The following LIPT2 variants were observed in gnomAD, a reference collection of about 807,000 sequenced individuals.
The protein encoded by LIPT2 is octanoyl-[acyl-carrier-protein]:protein N-octanoyltransferase LIPT2, mitochondrial.
LIPT2 carries 16 observed loss-of-function variants against 16.2 expected under a neutral mutation model. The observed-to-expected ratio is 0.99, with a 90% CI of 0.67 to 1.50. LIPT2 has a LOEUF of 1.50. LIPT2 is among the 40% of genes most tolerant of loss of function. LIPT2 has a pLI of 0.00. For synonymous variants in LIPT2, 199 were observed against 169.3 expected (o/e 1.18, Z -1.36); for missense variants, 424 against 347.7 (o/e 1.22, Z -1.75).
In LIPT2 at chr11:74,493,264, A is replaced by C; in HGVS notation, c.440T>G (p.Leu147Arg). The change falls in exon 1 of 2, where the codon CTA (leucine) becomes CGA (arginine). Residue 147 changes from leucine to arginine, a missense_variant. By Grantham distance (102) the Leu-to-Arg change is moderately radical (BLOSUM62 -2). Transcript: ENST00000310109. ...GATCGCGCAGATCTTGCGATCGTCTAGCCAGACGCCAGTGTAGGGCGGGGG... is the reference window on the plus strand; with the variant it reads ...GATCGCGCAGATCTTGCGATCGTCTCGCCAGACGCCAGTGTAGGGCGGGGG... ...ARPPPYTGVWLDDRKICAIGV... is the reference protein window; with the variant it reads ...ARPPPYTGVWRDDRKICAIGV... 7.3e-7 allele frequency: 1 copy of C among 1,373,024 alleles called. No individual in the cohort carries two copies. Among genetic ancestry groups the C allele is most frequent in the South Asian group, 1.6e-5 (1 of 61,360 alleles). 85.1% of individuals were successfully genotyped at this position (1,373,024 alleles called of 1,614,324 possible). A position where few individuals can be genotyped will look rare whatever the true frequency, so the allele number is the denominator to read the frequency against.
In LIPT2 at chr11:74,493,476, CA is replaced by C. The variant is rs1403400504; in HGVS notation, c.227del (p.Leu76TrpfsTer41). 3 of 1,475,924 alleles carry C rather than the reference CA, an allele frequency of 2.0e-6. No individual in the cohort carries two copies. The highest frequency in any genetic ancestry group is 2.7e-6 in the Non-Finnish European group (3 of 1,120,112). The allele number at this position is 1,475,924 out of a possible 1,614,324, so 91.4% of individuals were successfully genotyped here. ...TPEETARLRALGAEVRVTGRG... is the reference protein window; with the variant it reads ...TPEETARLRAXGAEVRVTGRG... ...GGCCTGTGACGCGCACCTCGGCGCC[CA>C]AGGCCCGTAGCCGCGCAGTTTCCTC... On this transcript the variant is annotated frameshift_variant, in exon 1 of 2. Coordinates refer to ENST00000310109, the MANE Select transcript of LIPT2 (RefSeq NM_001144869.3). LOFTEE classifies it high-confidence loss of function.
rs765093762 is a variant in LIPT2, at chr11:74,493,584, C to T, written c.120G>A (p.Ser40=). 8.3e-6 allele frequency: 12 copies of T among 1,451,632 alleles called. No individual in the cohort carries two copies. The highest frequency in any genetic ancestry group is 2.3e-4 in the Middle Eastern group (1 of 4,298). The allele number at this position is 1,451,632 out of a possible 1,614,324, so 89.9% of individuals were successfully genotyped here. A position where few individuals can be genotyped will look rare whatever the true frequency, so the allele number is the denominator to read the frequency against. Residue 40 remains serine, a synonymous_variant, in exon 1 of 2, where the codon TCG becomes TCA. Coordinates refer to ENST00000310109, the MANE Select transcript of LIPT2 (RefSeq NM_001144869.3). ...GCAGGAGCGCGCCCGCCTCAGTCCC[C>T]GACGGGGCCTCAATGCCTGGCTCGG... ...LQAEPGIEAP[S]GTEAGALLLC... is the part of the protein sequence containing the mutation.
chr11:74,493,723 G>C lies in LIPT2; in HGVS notation c.-20C>G. On this transcript the variant is annotated 5_prime_UTR_variant, in exon 1 of 2. Coordinates refer to ENST00000310109, the MANE Select transcript of LIPT2 (RefSeq NM_001144869.3). ...CCGCATCGTGCCCACCGTTGCGTCC[G>C]CGGGGCCCCGCCCTCTCCGTGGGCC... 5 of 1,344,686 alleles carry C rather than the reference G, an allele frequency of 3.7e-6. No homozygotes were observed. The highest frequency in any genetic ancestry group is 4.7e-6 in the Non-Finnish European group (5 of 1,053,136). 83.3% of individuals were successfully genotyped at this position (1,344,686 alleles called of 1,614,324 possible).
In LIPT2 at chr11:74,493,638, C is replaced by T. The variant is rs1471071555; in HGVS notation, c.66G>A (p.Leu22=). 10 of 1,458,562 alleles carry T rather than the reference C, an allele frequency of 6.9e-6. No individual in the cohort carries two copies. Among genetic ancestry groups the T allele is most frequent in the Non-Finnish European group, 9.0e-6 (10 of 1,111,990 alleles). The allele number at this position is 1,458,562 out of a possible 1,614,324, so 90.4% of individuals were successfully genotyped here. A position where few individuals can be genotyped will look rare whatever the true frequency, so the allele number is the denominator to read the frequency against. The stretch of plus-strand genomic sequence containing the variant: ...GCAGCCGCCGCAGCCAGCGGTCCTG[C>T]AGCCCCAGTAGCTCGGCGTACGGCA... ...GRVPYAELLG[L]QDRWLRRLQA... is the part of the protein sequence containing the mutation. Residue 22 remains leucine (L), a synonymous_variant, in exon 1 of 2, where the codon CTG becomes CTA. Coordinates refer to ENST00000310109, the MANE Select transcript of LIPT2 (RefSeq NM_001144869.3).
rs1464246809 is a variant in LIPT2 at position 74,492,367 on chromosome 11, G to A, written c.467-3C>T. On this transcript the variant is annotated splice_polypyrimidine_tract_variant and splice_region_variant and intron_variant, in intron 1 of 1. Transcript: ENST00000310109. Reference sequence around the variant, plus strand: ...GATGTGCCTTCCACAGCGGACTCCTGCAAGGCAAGCCAAAGGGTCTTAGAG... The same window carrying A: ...GATGTGCCTTCCACAGCGGACTCCTACAAGGCAAGCCAAAGGGTCTTAGAG... The A allele has an allele frequency of 1.3e-6, 2 of 1,547,510 alleles. No homozygotes were observed. Among genetic ancestry groups the A allele is most frequent in the Non-Finnish European group, 1.7e-6 (2 of 1,143,196 alleles).
Position 74,492,054 on chromosome 11 carries a change from A to C in LIPT2, c.*81T>G, listed in dbSNP as rs1864347270. ...GATCAGTGAATGACAGGCCAGGTCT[A>C]AAATCTGGGTTTCAGTAGGTGACTC... On this transcript the variant is annotated 3_prime_UTR_variant, in exon 2 of 2. Coordinates refer to ENST00000310109, the MANE Select transcript of LIPT2 (RefSeq NM_001144869.3). 2.9e-6 allele frequency: 3 copies of C among 1,045,332 alleles called. No individual in the cohort carries two copies. The highest frequency in any genetic ancestry group is 2.9e-6 in the Non-Finnish European group (2 of 693,848). The allele number at this position is 1,045,332 out of a possible 1,614,324, so 64.8% of individuals were successfully genotyped here. A position where few individuals can be genotyped will look rare whatever the true frequency, so the allele number is the denominator to read the frequency against.
chr11:74,492,190 A>C lies in LIPT2; in HGVS notation c.641T>G (p.Val214Gly). Residue 214 changes from valine (V) to glycine (G), a missense_variant, in exon 2 of 2, where the codon GTG becomes GGG. Coordinates refer to ENST00000310109, the MANE Select transcript of LIPT2 (RefSeq NM_001144869.3). ...TVEEVMPPFLVAFKEIYKCTL... is the reference protein window; with the variant it reads ...TVEEVMPPFLGAFKEIYKCTL... ...GCACTTGTAGATCTCCTTAAAGGCC[A>C]CAAGGAAAGGTGGCATTACTTCTTC... The C allele has an allele frequency of 1.3e-6, 2 of 1,550,630 alleles. No homozygotes were observed. The highest frequency in any genetic ancestry group is 1.7e-6 in the Non-Finnish European group (2 of 1,146,610).
chr11:74,493,221 T>A lies in LIPT2; in HGVS notation c.466+17A>T. ...CGACCTCGGCTCTCAGGTACCGCCC[T>A]GCTCCGCGGCGCTCACCGATCGCGC... On this transcript the variant is annotated intron_variant, in intron 1 of 1. Coordinates refer to ENST00000310109, the MANE Select transcript of LIPT2 (RefSeq NM_001144869.3). 7.5e-7 allele frequency: 1 copy of A among 1,340,324 alleles called. No homozygotes were observed. The highest frequency in any genetic ancestry group is 9.5e-7 in the Non-Finnish European group (1 of 1,047,130). The allele number at this position is 1,340,324 out of a possible 1,614,324, so 83.0% of individuals were successfully genotyped here.
chr11:74,492,200 G>T lies in LIPT2; in HGVS notation c.631C>A (p.Pro211Thr). Residue 211 changes from proline to threonine, a missense_variant, in exon 2 of 2, where the codon CCT becomes ACT. Pro to Thr is a conservative substitution (Grantham distance 38). Transcript: ENST00000310109. ...RHVTVEEVMP[P>T]FLVAFKEIYK... The stretch of plus-strand genomic sequence containing the variant: ...ATCTCCTTAAAGGCCACAAGGAAAG[G>T]TGGCATTACTTCTTCCACGGTGACG... The T allele has an allele frequency of 3.9e-6, 6 of 1,550,764 alleles. No individual in the cohort carries two copies. Among genetic ancestry groups the T allele is most frequent in the Non-Finnish European group, 4.4e-6 (5 of 1,146,676 alleles).
rs114655339 is a variant in LIPT2, at chr11:74,493,089, A to C, written c.466+149T>G. 1,800 of 479,188 alleles carry C rather than the reference A, an allele frequency of 3.8e-3. 19 individuals are homozygous for C. The highest frequency in any genetic ancestry group is 0.023 in the African/African-American group (1,145 of 50,012). The allele number at this position is 479,188 out of a possible 1,614,324, so 29.7% of individuals were successfully genotyped here. A position where few individuals can be genotyped will look rare whatever the true frequency, so the allele number is the denominator to read the frequency against. On this transcript the variant is annotated intron_variant, in intron 1 of 1. Transcript: ENST00000310109. ...ATCTGAAAAGGGGCTTAAAAACTCA[A>C]ACGCAGCGGGTAGCTGTGATTCAAA...
chr11:74,493,464 C>A lies in LIPT2; in HGVS notation c.240G>T (p.Val80=). Residue 80 remains valine, a synonymous_variant, in exon 1 of 2, where the codon GTG becomes GTT. Transcript: ENST00000310109. ...TARLRALGAE[V]RVTGRGGLAT... Reference sequence around the variant, plus strand: ...CCAGGCCACCGCGGCCTGTGACGCGCACCTCGGCGCCCAAGGCCCGTAGCC... The same window carrying A: ...CCAGGCCACCGCGGCCTGTGACGCGAACCTCGGCGCCCAAGGCCCGTAGCC... 6.7e-7 allele frequency: 1 copy of A among 1,485,590 alleles called. No homozygotes were observed. The allele number at this position is 1,485,590 out of a possible 1,614,324, so 92.0% of individuals were successfully genotyped here.
chr11:74,491,255 C>T lies in LIPT2; in HGVS notation c.*880G>A, dbSNP rs569382304. The stretch of plus-strand genomic sequence containing the variant: ...ACCATATGGAGCGCTGATCCTCCAG[C>T]CCAGCCAAGCCTTTGAATAAGTGCA... On this transcript the variant is annotated 3_prime_UTR_variant, in exon 2 of 2. Transcript: ENST00000310109. Among the ~76,000 whole-genome samples the T allele has an allele frequency of 4.6e-5, 7 of 152,320 alleles. No homozygotes were observed. Among genetic ancestry groups the T allele is most frequent in the African/African-American group, 1.7e-4 (7 of 41,558 alleles).
chr11:74,492,082 G>A lies in LIPT2; in HGVS notation c.*53C>T. ...ATCTGGGTTTCAGTAGGTGACTCAA[G>A]TCAGACTTCATGCTTCCCAAGGCAG... On this transcript the variant is annotated 3_prime_UTR_variant, in exon 2 of 2. Transcript: ENST00000310109. 2.1e-6 allele frequency: 3 copies of A among 1,436,296 alleles called. No homozygotes were observed. Among genetic ancestry groups the A allele is most frequent in the South Asian group, 1.2e-5 (1 of 81,328 alleles). The allele number at this position is 1,436,296 out of a possible 1,614,324, so 89.0% of individuals were successfully genotyped here.
chr11:74,493,692 G>T lies in LIPT2; in HGVS notation c.12C>A (p.Pro4=), dbSNP rs886804911. MRQ[P]AVRLVRLGRV... ...GACCCAGGCGCACCAACCGAACGGC[G>T]GGTTGCCGCATCGTGCCCACCGTTG... is the stretch of plus-strand genomic sequence containing the variant. The change falls in exon 1 of 2, where the codon CCC becomes CCA. Residue 4 remains proline (P), a synonymous_variant. Transcript: ENST00000310109. The T allele has an allele frequency of 1.4e-5, 19 of 1,386,378 alleles. No individual in the cohort carries two copies. In the East Asian group the frequency reaches 1.8e-4, roughly 13 times the overall value. 85.9% of individuals were successfully genotyped at this position (1,386,378 alleles called of 1,614,324 possible).
chr11:74,493,609 G>GCCTGCAGCCGCCGCAGCCAGCGGT lies in LIPT2; in HGVS notation c.71_94dup (p.Asp24_Gln31dup). 1 of 1,456,500 alleles carries GCCTGCAGCCGCCGCAGCCAGCGGT rather than the reference G, an allele frequency of 6.9e-7. No individual in the cohort carries two copies. The highest frequency in any genetic ancestry group is 1.3e-5 in the South Asian group (1 of 74,988). 90.2% of individuals were successfully genotyped at this position (1,456,500 alleles called of 1,614,324 possible). ...CGACGGGGCCTCAATGCCTGGCTCG[G>GCCTGCAGCCGCCGCAGCCAGCGGT]CCTGCAGCCGCCGCAGCCAGCGGTC... is the stretch of plus-strand genomic sequence containing the variant. On this transcript the variant is annotated inframe_insertion, in exon 1 of 2. Transcript: ENST00000310109.
In LIPT2 at chr11:74,492,153, T is replaced by A. The variant is rs753644701; in HGVS notation, c.678A>T (p.Ser226=). 6.4e-7 allele frequency: 1 copy of A among 1,551,336 alleles called. No homozygotes were observed. Among genetic ancestry groups the A allele is most frequent in the South Asian group, 1.2e-5 (1 of 84,058 alleles). The change falls in exon 2 of 2, where the codon TCA becomes TCT. Residue 226 remains serine (S), a synonymous_variant. Coordinates refer to ENST00000310109, the MANE Select transcript of LIPT2 (RefSeq NM_001144869.3). ...FKEIYKCTLI[S]EDSPN Reference sequence around the variant, plus strand: ...GTACTCTTCAGTTGGGGCTGTCCTCTGAGATCAGTGTGCACTTGTAGATCT... The same window carrying A: ...GTACTCTTCAGTTGGGGCTGTCCTCAGAGATCAGTGTGCACTTGTAGATCT...
Position 74,493,259 on chromosome 11 carries a change from C to T in LIPT2, c.445G>A (p.Asp149Asn), listed in dbSNP as rs1324687461. ...PPPYTGVWLD[D>N]RKICAIGVRC... ...TCACCGATCGCGCAGATCTTGCGAT[C>T]GTCTAGCCAGACGCCAGTGTAGGGC... The change falls in exon 1 of 2, where the codon GAT becomes AAT. Residue 149 changes from aspartate to asparagine, a missense_variant. Coordinates refer to ENST00000310109, the MANE Select transcript of LIPT2 (RefSeq NM_001144869.3). 1.6e-5 allele frequency: 22 copies of T among 1,364,356 alleles called. No individual in the cohort carries two copies. Among genetic ancestry groups the T allele is most frequent in the Non-Finnish European group, 2.1e-5 (22 of 1,059,696 alleles). 84.5% of individuals were successfully genotyped at this position (1,364,356 alleles called of 1,614,324 possible). A position where few individuals can be genotyped will look rare whatever the true frequency, so the allele number is the denominator to read the frequency against.
chr11:74,491,270 G>A lies in LIPT2; in HGVS notation c.*865C>T, dbSNP rs1396062671. On this transcript the variant is annotated 3_prime_UTR_variant, in exon 2 of 2. Coordinates refer to ENST00000310109, the MANE Select transcript of LIPT2 (RefSeq NM_001144869.3). ...GATCCTCCAGCCCAGCCAAGCCTTTGAATAAGTGCAGTTCCAGCTGACATC... is the reference window on the plus strand; with the variant it reads ...GATCCTCCAGCCCAGCCAAGCCTTTAAATAAGTGCAGTTCCAGCTGACATC... 2.6e-5 allele frequency among the ~76,000 whole-genome samples: 4 copies of A among 152,182 alleles called. No homozygotes were observed. The highest frequency in any genetic ancestry group is 2.1e-4 in the South Asian group (1 of 4,830).
intron 1 of LIPT2, 69 bp from the exon 2 acceptor site, chr11:74,492,433 G>A (rs763056587): frequency 1.5e-4 from 156 of 1,037,700 alleles, no homozygotes; most frequent in Non-Finnish European, 2.1e-4. Context: ...TCCCTCTCAG[G>A]GCGATGAGAA....
Sources: allele counts gnomAD v4.1 joint callset (sites outside exome capture counted in the v4.1 genomes callset), GRCh38; gene constraint gnomAD v4.1.1; transcripts MANE v1.5; gene names NCBI Gene and HGNC (gene_info 2026-07-23, HGNC 2026-07-21).